PLXNC1: variants seen among roughly 807,000 people sequenced by gnomAD.
PLXNC1 encodes plexin C1.
A neutral mutation model predicts 178.2 loss-of-function variants in PLXNC1; 75 were observed. The observed-to-expected ratio is 0.42, with a 90% CI of 0.35 to 0.51. PLXNC1 has a LOEUF of 0.51. PLXNC1 is among the 20% of genes least tolerant of loss of function. The pLI is 0.02. For synonymous variants in PLXNC1, 790 were observed against 779.9 expected, an observed-to-expected ratio of 1.01 and a Z score of -0.22; for missense variants, 1,503 against 1,984.4, an observed-to-expected ratio of 0.76 and a Z score of 4.61.
intron 4 of PLXNC1, among the ~76,000 whole-genome samples, chr12:94,199,656 C>T (rs1219004321): frequency 6.6e-6 from 1 of 152,146 alleles, no homozygotes; most frequent in African/African-American, 2.4e-5. Flanking sequence ...GCTATGAGTT[C>T]TATGTATTTC....
intron 2 of PLXNC1, chr12:94,176,372 A>AAC (rs1453146179): frequency 6.6e-6 from 1 of 152,170 alleles, no homozygotes; most frequent in Non-Finnish European, 1.5e-5. Context: ...AGATGATATG[A>AAC]ACACTGACCT....
chr12:94,202,776 G>C (rs1267945642), intron 4 of PLXNC1, among the ~76,000 whole-genome samples: 1 of 152,184 alleles, frequency 6.6e-6, no homozygotes. Flanking sequence ...TTGCAGTCTA[G>C]AGAGATAGAC....
chr12:94,201,181 A>G (rs1463274651), intron 4 of PLXNC1, among the ~76,000 whole-genome samples: 3 of 152,250 alleles, frequency 2.0e-5, no homozygotes, highest in Non-Finnish European at 2.9e-5. Context: ...TACTCAAGGT[A>G]TGAAAGGACT....
At chr12:94,299,808 C>T (rs987628234) in intron 27 of PLXNC1, among the ~76,000 whole-genome samples, 4 of 152,196 alleles carry the variant, frequency 2.6e-5, no homozygotes, top group African/African-American at 9.7e-5. Context: ...CATCCTCCTG[C>T]TTCAGCCTAC....
At chr12:94,212,253 G>A (rs112746441) in intron 5 of PLXNC1, among the ~76,000 whole-genome samples, 3,166 of 119,626 alleles carry the variant, frequency 0.026, 140 homozygotes, top group African/African-American at 0.097. Flanking sequence ...CAGCCTGGGC[G>A]ACAGAGCGAG....
At chr12:94,264,168 G>T (rs968894584) in intron 20 of PLXNC1, among the ~76,000 whole-genome samples, 6 of 152,104 alleles carry the variant, frequency 3.9e-5, no homozygotes, top group African/African-American at 1.4e-4. Flanking sequence ...ATACTCTACA[G>T]CTGACCCAGG....
intron 1 of PLXNC1, among the ~76,000 whole-genome samples, chr12:94,161,101 C>T (rs1961366481): frequency 6.6e-6 from 1 of 151,826 alleles, no homozygotes; most frequent in Admixed American, 6.6e-5. Flanking sequence ...TTTTTTCATC[C>T]AGTTTCATGG....
intron 23 of PLXNC1, among the ~76,000 whole-genome samples, chr12:94,293,835 G>A (rs1048473327): frequency 2.0e-5 from 3 of 152,050 alleles, no homozygotes; most frequent in African/African-American, 7.2e-5. Flanking sequence ...TGCCCAGGCT[G>A]GTCTCAAAAC....
At chr12:94,203,171 G>A (rs1304341720) in intron 4 of PLXNC1, among the ~76,000 whole-genome samples, 1 of 152,248 alleles carries the variant, frequency 6.6e-6, no homozygotes, top group East Asian at 1.9e-4. Context: ...ACAAAGTTTT[G>A]TAATTTGATC....
Position 94,305,301 on chromosome 12 carries a change from G to C in PLXNC1, c.*16G>C. 6.7e-7 allele frequency: 1 copy of C among 1,501,642 alleles called. No individual in the cohort carries two copies. Among genetic ancestry groups the C allele is most frequent in the Non-Finnish European group, 9.2e-7 (1 of 1,085,272 alleles). 93.0% of individuals were successfully genotyped at this position (1,501,642 alleles called of 1,614,324 possible). On this transcript the variant is annotated 3_prime_UTR_variant, in exon 31 of 31. Transcript: ENST00000258526. ...GTGGATGTAAGCACTCTGGGGCCTG[G>C]CTTAATCTGGCAAAGTTCTTCAGAC...
chr12:94,299,767 C>T (rs1593004820), intron 27 of PLXNC1, among the ~76,000 whole-genome samples: 1 of 152,156 alleles, frequency 6.6e-6, no homozygotes, highest in Non-Finnish European at 1.5e-5. Flanking sequence ...ACTACACTGC[C>T]CAGGCTGGTC....
chr12:94,179,262 A>G (rs1051871860), intron 2 of PLXNC1, among the ~76,000 whole-genome samples: 12 of 152,236 alleles, frequency 7.9e-5, no homozygotes, highest in African/African-American at 2.2e-4. Flanking sequence ...TCAGGTGCCA[A>G]ATTTTTCTTT....
intron 10 of PLXNC1, among the ~76,000 whole-genome samples, chr12:94,239,383 A>G (rs538306571): frequency 6.6e-6 from 1 of 152,340 alleles, no homozygotes; most frequent in South Asian, 2.1e-4. Flanking sequence ...TTAATGTTCA[A>G]CCACTTTATG....
chr12:94,181,903 C>T (rs1011087320), intron 3 of PLXNC1, among the ~76,000 whole-genome samples: 13 of 151,896 alleles, frequency 8.6e-5, no homozygotes, highest in African/African-American at 1.9e-4. Context: ...GGGCACTGAA[C>T]GGTTAGATGC....
chr12:94,240,214 T>C (rs925061232), intron 10 of PLXNC1, among the ~76,000 whole-genome samples: 1 of 152,222 alleles, frequency 6.6e-6, no homozygotes, highest in African/African-American at 2.4e-5. Flanking sequence ...CTATTAGTAC[T>C]TCTTCAGGGC....
In PLXNC1 at chr12:94,224,303, C is replaced by T; in HGVS notation, c.1778C>T (p.Ser593Leu). Residue 593 changes from serine (S) to leucine (L), a missense_variant, in exon 7 of 31, where the codon TCA (serine) becomes TTA (leucine). Around this residue, in one of 4 missense-constraint regions of PLXNC1, gnomAD observed 615 missense variants for 698.6 expected, o/e 0.88. Transcript: ENST00000258526. ...LSDRFNFTNC[S>L]SLKECPACVE... is the part of the protein sequence containing the mutation. ...GACAGATTCAACTTTACCAACTGCT[C>T]ATCATTAAAAGAGTAAGATTTTATT... 1 of 1,520,122 alleles carries T rather than the reference C, an allele frequency of 6.6e-7. No individual in the cohort carries two copies. The highest frequency in any genetic ancestry group is 9.1e-7 in the Non-Finnish European group (1 of 1,094,428). The allele number at this position is 1,520,122 out of a possible 1,614,324, so 94.2% of individuals were successfully genotyped here.
intron 4 of PLXNC1, among the ~76,000 whole-genome samples, chr12:94,193,860 G>T (rs371910393): frequency 2.6e-5 from 4 of 152,170 alleles, no homozygotes; most frequent in African/African-American, 7.2e-5. Context: ...TGGGAAACGC[G>T]GGGGGTGGAC....
At chr12:94,219,838 T>C (rs1963744440) in intron 5 of PLXNC1, among the ~76,000 whole-genome samples, 178 bp from the exon 6 acceptor site, 1 of 125,414 alleles carries the variant, frequency 8.0e-6, no homozygotes, top group Non-Finnish European at 1.7e-5. Flanking sequence ...TTTATTTATT[T>C]ATTTATTTAT....
chr12:94,169,428 G>A (rs949114141), intron 2 of PLXNC1, 135 bp downstream of exon 2: 5 of 682,570 alleles, frequency 7.3e-6, no homozygotes, highest in Non-Finnish European at 1.2e-5. Context: ...AAGACCCCCA[G>A]AAATGGCCTG....
Sources: gnomAD v4.1 joint callset for allele counts (sites outside exome capture counted in the v4.1 genomes callset) on GRCh38, gnomAD v4.1.1 for gene constraint, gnomAD v4.1.1 regional missense constraint, MANE v1.5 for transcripts, NCBI Gene and HGNC (gene_info 2026-07-23, HGNC 2026-07-21) for gene names.